Variants in EXT1 observed in about 807,000 individuals in gnomAD.
EXT1 encodes exostosin-1.
In EXT1, 20 loss-of-function variants were observed where a neutral mutation model predicts 82.5. The ratio of observed to expected loss-of-function variants is 0.24; its 90% CI spans 0.17 to 0.35. The LOEUF is 0.35. EXT1 is among the 10% of genes least tolerant of loss of function. EXT1 has a pLI of 1.00. For synonymous variants in EXT1, 348 were observed against 350.8 expected (o/e 0.99, Z 0.09); for missense variants, 757 against 936.5 (o/e 0.81, Z 2.50).
chr8:117,841,430 G>A (rs1218618276), intron 1 of EXT1, among the ~76,000 whole-genome samples: 1 of 152,020 alleles, frequency 6.6e-6, no homozygotes, highest in African/African-American at 2.4e-5. Context: ...AGACTTGAGA[G>A]GTCAAATGGG....
intron 1 of EXT1, among the ~76,000 whole-genome samples, chr8:117,962,670 T>C (rs549114756): frequency 2.0e-5 from 3 of 152,216 alleles, no homozygotes; most frequent in Non-Finnish European, 4.4e-5. Context: ...GGAGGATTGC[T>C]TGGGGCTGCG....
At chr8:117,880,943 A>C (rs1284210121) in intron 1 of EXT1, among the ~76,000 whole-genome samples, 1 of 151,750 alleles carries the variant, frequency 6.6e-6, no homozygotes, top group Non-Finnish European at 1.5e-5. Flanking sequence ...CGACCTATTA[A>C]CCTTTTTAGG....
At chr8:118,026,588 GA>G (rs144866614) in intron 1 of EXT1, among the ~76,000 whole-genome samples, 1 of 149,630 alleles carries the variant, frequency 6.7e-6, no homozygotes, top group Non-Finnish European at 1.5e-5. Context: ...AGCCTCTGGA[GA>G]AAAAAAAAAT....
chr8:117,900,310 C>T (rs2129965333), intron 1 of EXT1, among the ~76,000 whole-genome samples: 1 of 152,318 alleles, frequency 6.6e-6, no homozygotes, highest in Admixed American at 6.5e-5. Flanking sequence ...ATTTTATACA[C>T]ACCACCTGCT....
intron 1 of EXT1, among the ~76,000 whole-genome samples, chr8:117,839,486 A>T (rs1812239588): frequency 6.6e-6 from 1 of 152,188 alleles, no homozygotes; most frequent in South Asian, 2.1e-4. Flanking sequence ...GTTCATATGT[A>T]TGCAGTGCAT....
At chr8:118,019,283 G>GAAAGAAAGAAAGAA (rs368904934) in intron 1 of EXT1, among the ~76,000 whole-genome samples, 1 of 151,960 alleles carries the variant, frequency 6.6e-6, no homozygotes, top group Admixed American at 6.5e-5. Context: ...AAGAAAGAAA[G>GAAAGAAAGAAAGAA]AGGAAATGGG....
chr8:117,827,195 A>C (rs112620829), intron 4 of EXT1, among the ~76,000 whole-genome samples: 33 of 152,326 alleles, frequency 2.2e-4, no homozygotes, highest in South Asian at 2.1e-3. Flanking sequence ...AAGCCTTAGA[A>C]ATGCCTAGGC....
chr8:117,990,861 C>T (rs562051676), intron 1 of EXT1, among the ~76,000 whole-genome samples: 1 of 152,156 alleles, frequency 6.6e-6, no homozygotes, highest in Non-Finnish European at 1.5e-5. Flanking sequence ...ATTAAGGTGG[C>T]CTTCAAGTGT....
chr8:118,062,338 T>C (rs10505326), intron 1 of EXT1, among the ~76,000 whole-genome samples: 16,551 of 152,200 alleles, frequency 0.11, 1,669 homozygotes, highest in African/African-American at 0.27. Flanking sequence ...AAATGTTGTA[T>C]CCTAGTGAAG....
chr8:117,818,813 A>G (rs1329557060), intron 6 of EXT1, among the ~76,000 whole-genome samples: 2 of 152,220 alleles, frequency 1.3e-5, no homozygotes, highest in African/African-American at 4.8e-5. Flanking sequence ...AGCTGCAGGA[A>G]AAAGAATTAC....
chr8:118,009,659 T>C (rs756667266), intron 1 of EXT1, among the ~76,000 whole-genome samples: 1 of 152,336 alleles, frequency 6.6e-6, no homozygotes, highest in East Asian at 1.9e-4. Flanking sequence ...CTCTGCCTCC[T>C]GTCAGATCAC....
rs115232077 is a variant in EXT1 at position 117,817,167 on chromosome 8, C to T, written c.1632+1268G>A. 3.4e-3 allele frequency among the ~76,000 whole-genome samples: 515 copies of T among 152,308 alleles called. 1 individual carries two copies. Among genetic ancestry groups the T allele is most frequent in the African/African-American group, 0.011 (439 of 41,550 alleles). On this transcript the variant is annotated intron_variant, in intron 7 of 10. Transcript: ENST00000378204. ...ATGAGAGCCATGGCTATATTTGTCA[C>T]ATTCCCCACTGTGTTCCAAGCCTGT... is the stretch of plus-strand genomic sequence containing the variant.
At chr8:117,947,511 CA>C (rs1814412692) in intron 1 of EXT1, among the ~76,000 whole-genome samples, 1 of 152,122 alleles carries the variant, frequency 6.6e-6, no homozygotes, top group South Asian at 2.1e-4. Flanking sequence ...AGAAACTTTC[CA>C]AAAGTTGATG....
chr8:117,849,427 G>C (rs1311980050), intron 1 of EXT1, among the ~76,000 whole-genome samples: 2 of 152,198 alleles, frequency 1.3e-5, no homozygotes, highest in Non-Finnish European at 2.9e-5. Context: ...ACCTATGTCA[G>C]ATTATTCAAC....
In EXT1 at chr8:117,795,775, TG is replaced by T. The variant is rs1248914981; in HGVS notation, c.*3936del. 6.6e-6 allele frequency: 1 copy of T among 151,878 alleles called. No individual in the cohort carries two copies. The highest frequency in any genetic ancestry group is 2.4e-5 in the African/African-American group (1 of 41,320). 9.4% of individuals were successfully genotyped at this position (151,878 alleles called of 1,614,324 possible). A position where few individuals can be genotyped will look rare whatever the true frequency, so the allele number is the denominator to read the frequency against. On this transcript the variant is annotated 3_prime_UTR_variant, in exon 11 of 11. Coordinates refer to ENST00000378204, the MANE Select transcript of EXT1 (RefSeq NM_000127.3). ...GAGATCACACCAATGCATTCCAGCC[TG>T]GGTGACAGGGCAAGACTCTGTCTCA...
intron 1 of EXT1, among the ~76,000 whole-genome samples, chr8:117,872,038 G>A (rs1424989114): frequency 6.6e-6 from 1 of 152,024 alleles, no homozygotes; most frequent in Non-Finnish European, 1.5e-5. Context: ...AGGCTGAGGT[G>A]GAAGGATCTC....
intron 1 of EXT1, among the ~76,000 whole-genome samples, chr8:118,057,117 T>C (rs1317865814): frequency 6.6e-6 from 1 of 152,198 alleles, no homozygotes; most frequent in Non-Finnish European, 1.5e-5. Flanking sequence ...AAAAAGCCTT[T>C]CCTAACCCTC....
chr8:118,070,127 G>A (rs572680566), intron 1 of EXT1, among the ~76,000 whole-genome samples: 11 of 151,992 alleles, frequency 7.2e-5, no homozygotes, highest in Admixed American at 2.0e-4. Flanking sequence ...ATGTAACACC[G>A]ATGGTGCGTT....
At position 118,110,512 on chromosome 8, in the gene EXT1, G is replaced by C. The variant is rs886039561; in HGVS notation, c.535C>G (p.Gln179Glu). 1 of 1,614,120 alleles carries C rather than the reference G, an allele frequency of 6.2e-7. No homozygotes were observed. Among genetic ancestry groups the C allele is most frequent in the Non-Finnish European group, 8.5e-7 (1 of 1,180,022 alleles). ...QYVHNLRSKV[Q>E]SLHLWNNGRN... ...CCATTGTTCCACAAGTGGAGACTCT[G>C]CACTTTGGATCTCAAATTGTGCACA... The change falls in exon 1 of 11, where the codon CAG (glutamine) becomes GAG (glutamate). Residue 179 changes from glutamine (Q) to glutamate (E), a missense_variant. Transcript: ENST00000378204.
Sources: gnomAD v4.1 joint callset for allele counts (sites outside exome capture counted in the v4.1 genomes callset) on GRCh38, gnomAD v4.1.1 for gene constraint, MANE v1.5 for transcripts, NCBI Gene and HGNC (gene_info 2026-07-23, HGNC 2026-07-21) for gene names.